TLN1: variants seen among roughly 807,000 people sequenced by gnomAD.
TLN1 encodes talin-1.
TLN1 carries 56 observed loss-of-function variants against 292.3 expected under a neutral mutation model. The observed-to-expected ratio is 0.19, with a 90% CI of 0.15 to 0.24. The LOEUF (loss-of-function observed/expected upper bound fraction) is 0.24, where lower values mean the gene tolerates loss of function less well. Among genes scored for constraint, TLN1 ranks in the 10% least tolerant of loss-of-function variants. The pLI, the probability that TLN1 is intolerant of heterozygous loss-of-function variation, is 1.00. For synonymous variants in TLN1, 1,119 were observed against 1,253.7 expected (o/e 0.89, Z 2.27); for missense variants, 2,433 against 3,248.2 (o/e 0.75, Z 6.10).
intron 34 of TLN1, 126 bp downstream of exon 34, chr9:35,708,215 A>C: frequency 8.2e-7 from 1 of 1,223,000 alleles, no homozygotes; most frequent in South Asian, 1.7e-5. Context: ...ACCCAAAAAG[A>C]AGCTGTGTGT....
At position 35,719,378 on chromosome 9, in the gene TLN1, T is replaced by C; in HGVS notation, c.1688-96A>G. ...AGTCACACCCAGTTAGTCACACACATGTCCACAGAAAGACGCACACACACA... is the reference window on the plus strand; with the variant it reads ...AGTCACACCCAGTTAGTCACACACACGTCCACAGAAAGACGCACACACACA... On this transcript the variant is annotated intron_variant, in intron 15 of 56. Coordinates refer to ENST00000314888, the MANE Select transcript of TLN1 (RefSeq NM_006289.4). The surrounding 1 kb of genome is among the most constrained non-coding windows in gnomAD (Gnocchi z 4.6). The C allele has an allele frequency of 1.4e-6, 2 of 1,382,960 alleles. No individual in the cohort carries two copies. The highest frequency in any genetic ancestry group is 2.0e-6 in the Non-Finnish European group (2 of 979,198). The allele number at this position is 1,382,960 out of a possible 1,614,324, so 85.7% of individuals were successfully genotyped here.
chr9:35,711,365 G>A lies in TLN1; in HGVS notation c.3909C>T (p.Ser1303=). The change falls in exon 30 of 57, where the codon TCC becomes TCT. Residue 1303 remains serine, a synonymous_variant. Transcript: ENST00000314888. The part of the protein sequence containing the change: ...PSQEDRAQVV[S]NLKGISMSSS... ...AAGACATGGAGATGCCCTTCAAGTT[G>A]GACACAACTTGGGCTCGGTCCTCCT... is the stretch of plus-strand genomic sequence containing the variant. The A allele has an allele frequency of 1.2e-6, 2 of 1,614,174 alleles. No individual in the cohort carries two copies. Among genetic ancestry groups the A allele is most frequent in the Non-Finnish European group, 1.7e-6 (2 of 1,180,018 alleles).
rs949528847 is a variant in TLN1 at position 35,697,763 on chromosome 9, G to A, written c.*28C>T. 53 of 1,612,208 alleles carry A rather than the reference G, an allele frequency of 3.3e-5. No homozygotes were observed. The highest frequency in any genetic ancestry group is 5.0e-5 in the Admixed American group (3 of 59,896). On this transcript the variant is annotated 3_prime_UTR_variant, in exon 57 of 57. Transcript: ENST00000314888. ...TAGTGGCACGCACAGTCTCTGGGCC[G>A]GGTCTGCATTAAATAGAAGAGGCTT... is the stretch of plus-strand genomic sequence containing the variant.
intron 27 of TLN1, among the ~76,000 whole-genome samples, chr9:35,712,428 G>A (rs1030649401): frequency 3.3e-5 from 5 of 152,102 alleles, no homozygotes; most frequent in African/African-American, 1.2e-4. Flanking sequence ...GGCAGATCAC[G>A]AGGTCAAGAG....
intron 25 of TLN1, 50 bp from the exon 26 acceptor site, chr9:35,713,348 G>A: frequency 6.9e-7 from 1 of 1,456,826 alleles, no homozygotes; most frequent in Non-Finnish European, 9.4e-7. Context: ...AAGGTGAGGA[G>A]AAGGAACCTG....
intron 11 of TLN1, 24 bp from the exon 12 acceptor site, chr9:35,720,533 G>C (rs201827525): frequency 2.1e-5 from 34 of 1,611,392 alleles, no homozygotes; most frequent in Non-Finnish European, 2.5e-5. Context: ...AAAGGAACAA[G>C]AGTTGGGATA....
chr9:35,720,751 G>A, intron 11 of TLN1, 61 bp downstream of exon 11: 2 of 1,511,078 alleles, frequency 1.3e-6, no homozygotes, highest in Admixed American at 3.4e-5. Context: ...CATTTCTAAA[G>A]GACTGGCTTG....
rs529886545 is a variant in TLN1, at chr9:35,699,632, C to T, written c.6769-171G>A. On this transcript the variant is annotated intron_variant, in intron 50 of 56. Coordinates refer to ENST00000314888, the MANE Select transcript of TLN1 (RefSeq NM_006289.4). This position sits in a 1 kb window ranked among gnomAD's most constrained non-coding sequence, Gnocchi z 4.0. ...TACACATCATGCATCACACCTCACA[C>T]GTGATAGAGACAGTGGGGCTGTGTC... 2.6e-5 allele frequency: 26 copies of T among 985,318 alleles called. No individual in the cohort carries two copies. In the South Asian group the frequency reaches 6.1e-4, roughly 23 times the overall value. The allele number at this position is 985,318 out of a possible 1,614,324, so 61.0% of individuals were successfully genotyped here. A position where few individuals can be genotyped will look rare whatever the true frequency, so the allele number is the denominator to read the frequency against.
At chr9:35,716,830 T>C (rs1587985612) in intron 19 of TLN1, among the ~76,000 whole-genome samples, 1 of 152,322 alleles carries the variant, frequency 6.6e-6, no homozygotes, top group East Asian at 1.9e-4. Context: ...TGAGACACTC[T>C]CTGAAAACTT....
In TLN1 at chr9:35,712,892, C is replaced by T. The variant is rs1244310141; in HGVS notation, c.3504G>A (p.Glu1168=). The T allele has an allele frequency of 3.1e-6, 5 of 1,601,530 alleles. No homozygotes were observed. Among genetic ancestry groups the T allele is most frequent in the Non-Finnish European group, 4.3e-6 (5 of 1,173,702 alleles). ...VLDKASSLIE[E]AKKAAGHPGD... ...CTGGATGGCCAGCTGCCTTTTTCGCCTCCTCAATGAGGCTGCTGGCCTTGT... is the reference window on the plus strand; with the variant it reads ...CTGGATGGCCAGCTGCCTTTTTCGCTTCCTCAATGAGGCTGCTGGCCTTGT... The change falls in exon 27 of 57, where the codon GAG becomes GAA. Residue 1168 remains glutamate (E), a synonymous_variant. Coordinates refer to ENST00000314888, the MANE Select transcript of TLN1 (RefSeq NM_006289.4).
In TLN1 at chr9:35,705,648, G is replaced by T. The variant is rs1825551629; in HGVS notation, c.5636C>A (p.Pro1879Gln). Residue 1879 changes from proline to glutamine, a missense_variant, in exon 43 of 57, where the codon CCA becomes CAA. By Grantham distance (76) the Pro-to-Gln change is moderately conservative. Around this residue, in one of 7 missense-constraint regions of TLN1, gnomAD observed 1,384 missense variants for 1,699.6 expected, o/e 0.81. Transcript: ENST00000314888. Reference protein sequence around the residue: ...QEMVTKSNTSPEELGPLANQL... With the variant: ...QEMVTKSNTSQEELGPLANQL... The stretch of plus-strand genomic sequence containing the variant: ...GTTAGCAAGAGGGCCCAGCTCCTCT[G>T]GGCTGGTGTTTGACTTGGTAACCTG... The T allele has an allele frequency of 2.5e-6, 4 of 1,610,756 alleles. No individual in the cohort carries two copies. The Admixed American group carries it at 6.7e-5, about 27-fold the overall frequency.
chr9:35,704,325 G>A lies in TLN1; in HGVS notation c.6047+7C>T, dbSNP rs375769154. 20 of 1,611,784 alleles carry A rather than the reference G, an allele frequency of 1.2e-5. No homozygotes were observed. Among genetic ancestry groups the A allele is most frequent in the East Asian group, 8.9e-5 (4 of 44,888 alleles). On this transcript the variant is annotated splice_region_variant and intron_variant, in intron 45 of 56. Coordinates refer to ENST00000314888, the MANE Select transcript of TLN1 (RefSeq NM_006289.4). The surrounding 1 kb of genome is among the most constrained non-coding windows in gnomAD (Gnocchi z 6.9). ...TCTGCCTCCCTTAGGCCCAGTTCCT[G>A]TCTTACCGGTGGTCAGCGAAAGTTT...
chr9:35,711,461 T>G, intron 29 of TLN1, 67 bp from the exon 30 acceptor site: 1 of 1,609,148 alleles, frequency 6.2e-7, no homozygotes, highest in South Asian at 1.1e-5. Context: ...AGGGATCTTC[T>G]TTCCCAGACA....
Position 35,718,855 on chromosome 9 carries a change from A to T in TLN1, c.1952T>A (p.Leu651Gln). The T allele has an allele frequency of 6.2e-7, 1 of 1,613,770 alleles. No homozygotes were observed. Among genetic ancestry groups the T allele is most frequent in the Non-Finnish European group, 8.5e-7 (1 of 1,179,854 alleles). ...ATCACTTTCCCCAATTTGTTGCAAC[A>T]GCTCCCCACTGGCCTGGCCCACGTT... ...AGNVGQASGE[L>Q]LQQIGESDTD... Residue 651 changes from leucine (L) to glutamine (Q), a missense_variant, in exon 17 of 57, where the codon CTG (leucine) becomes CAG (glutamine). Coordinates refer to ENST00000314888, the MANE Select transcript of TLN1 (RefSeq NM_006289.4).
At chr9:35,697,972 G>A in intron 56 of TLN1, 56 bp from the exon 57 acceptor site, 1 of 1,613,936 alleles carries the variant, frequency 6.2e-7, no homozygotes, top group East Asian at 2.2e-5. Context: ...GGGGCATAGG[G>A]TAGTTGGGAC....
At chr9:35,703,495 G>T in intron 48 of TLN1, 65 bp downstream of exon 48, 1 of 1,439,236 alleles carries the variant, frequency 6.9e-7, no homozygotes, top group Non-Finnish European at 9.8e-7. Flanking sequence ...GTGTGGCACA[G>T]GTTCACAGGC....
intron 8 of TLN1, among the ~76,000 whole-genome samples, chr9:35,722,565 A>C (rs1264922206): frequency 2.0e-5 from 3 of 152,246 alleles, no homozygotes; most frequent in Non-Finnish European, 4.4e-5. Context: ...ATTTCAGATT[A>C]TGCTACCTCA....
chr9:35,712,475 C>G (rs1825691183), intron 27 of TLN1, among the ~76,000 whole-genome samples: 1 of 152,008 alleles, frequency 6.6e-6, no homozygotes, highest in Admixed American at 6.6e-5. Context: ...GAAGCCCTGT[C>G]TCTACTAAAA....
chr9:35,710,450 G>C (rs1406356252), intron 33 of TLN1, 111 bp downstream of exon 33: 1 of 1,463,098 alleles, frequency 6.8e-7, no homozygotes, highest in African/African-American at 1.4e-5. Flanking sequence ...ATTCCATAGA[G>C]TTGGCTTTGC....
Sources: gnomAD v4.1 joint callset for allele counts (sites outside exome capture counted in the v4.1 genomes callset) on GRCh38, gnomAD v4.1.1 for gene constraint, gnomAD v4.1.1 regional missense constraint, Gnocchi (gnomAD v3.1) non-coding constraint, MANE v1.5 for transcripts, NCBI Gene and HGNC (gene_info 2026-07-23, HGNC 2026-07-21) for gene names.